Variants in MCTP1 observed in about 807,000 individuals in gnomAD.
MCTP1 encodes multiple C2 and transmembrane domain-containing protein 1.
MCTP1 carries 69 observed loss-of-function variants against 120.6 expected under a neutral mutation model. The ratio of observed to expected loss-of-function variants is 0.57; its 90% CI spans 0.47 to 0.70. MCTP1 has a LOEUF of 0.70. Among genes scored for constraint, MCTP1 ranks in the 30% least tolerant of loss-of-function variants. MCTP1 has a pLI of 0.00. For missense variants in MCTP1, 1,203 were observed against 1,248.8 expected, an observed-to-expected ratio of 0.96 and a Z score of 0.55; for synonymous variants, 529 against 493.1, an observed-to-expected ratio of 1.07 and a Z score of -0.96.
chr5:95,088,472 T>C (rs932672159), intron 1 of MCTP1, among the ~76,000 whole-genome samples: 1 of 152,244 alleles, frequency 6.6e-6, no homozygotes, highest in South Asian at 2.1e-4. Flanking sequence ...GTGCTTGCCA[T>C]AGACCATCCC....
chr5:94,867,093 C>T (rs1336651278), intron 17 of MCTP1: 1 of 583,394 alleles, frequency 1.7e-6, no homozygotes, highest in Non-Finnish European at 2.6e-6. Context: ...CATTTTTTCT[C>T]ATCAATGTAA....
intron 1 of MCTP1, among the ~76,000 whole-genome samples, chr5:95,056,677 T>G (rs1445142065): frequency 6.6e-6 from 1 of 152,206 alleles, no homozygotes. Flanking sequence ...GTTTGTGGAA[T>G]AGCGGACTCA....
chr5:95,020,411 A>G lies in MCTP1; in HGVS notation c.721-2927T>C, dbSNP rs184176843. 3.4e-3 allele frequency among the ~76,000 whole-genome samples: 516 copies of G among 152,164 alleles called. 2 individuals carry two copies. The Middle Eastern group carries it at 0.058, about 17-fold the overall frequency. On this transcript the variant is annotated intron_variant, in intron 1 of 22. Coordinates refer to ENST00000515393, the MANE Select transcript of MCTP1 (RefSeq NM_024717.7). ...CTCCGGACTTATATTTATTTGCTGT[A>G]GTCATTTCCTCTTCTACAAACTTCT...
chr5:95,240,910 CCT>C (rs953772632), intron 1 of MCTP1, among the ~76,000 whole-genome samples: 7 of 150,100 alleles, frequency 4.7e-5, no homozygotes, highest in Admixed American at 4.0e-4. Flanking sequence ...TCTCTCTCTC[CCT>C]CTCTCTCTCC....
At chr5:94,840,877 CTG>C (rs1160544938) in intron 17 of MCTP1, among the ~76,000 whole-genome samples, 1 of 152,116 alleles carries the variant, frequency 6.6e-6, no homozygotes, top group African/African-American at 2.4e-5. Flanking sequence ...ACTAAGCAAG[CTG>C]TTTTTGCTGA....
chr5:94,909,133 ATG>A lies in MCTP1; in HGVS notation c.1652+116_1652+117del, dbSNP rs1377126022. On this transcript the variant is annotated intron_variant, in intron 10 of 22. Transcript: ENST00000515393. The stretch of plus-strand genomic sequence containing the variant: ...CAGTTCATCCAAGCATTGCCTTACC[ATG>A]GTAAAGTCCCTTTCTTCAAAACAGT... 1.1e-5 allele frequency: 13 copies of A among 1,232,628 alleles called. No individual in the cohort carries two copies. In the East Asian group the frequency reaches 3.3e-4, roughly 31 times the overall value. 76.4% of individuals were successfully genotyped at this position (1,232,628 alleles called of 1,614,324 possible). A position where few individuals can be genotyped will look rare whatever the true frequency, so the allele number is the denominator to read the frequency against.
At chr5:95,173,331 T>C (rs577960657) in intron 1 of MCTP1, among the ~76,000 whole-genome samples, 69 of 152,114 alleles carry the variant, frequency 4.5e-4, no homozygotes, top group Non-Finnish European at 9.1e-4. Flanking sequence ...GGAATGCATA[T>C]GGCAAGTGGA....
At chr5:94,917,065 T>C (rs1490981135) in intron 8 of MCTP1, among the ~76,000 whole-genome samples, 1 of 152,238 alleles carries the variant, frequency 6.6e-6, no homozygotes, top group African/African-American at 2.4e-5. Flanking sequence ...AAAAGAGAAG[T>C]AGGACCCTAC....
intron 17 of MCTP1, among the ~76,000 whole-genome samples, chr5:94,820,058 T>G (rs1785310460): frequency 6.6e-6 from 1 of 152,212 alleles, no homozygotes; most frequent in South Asian, 2.1e-4. Context: ...GGCAACTTCT[T>G]TTTAACTTGT....
chr5:94,874,009 T>G (rs556331653), intron 12 of MCTP1, among the ~76,000 whole-genome samples: 3 of 152,048 alleles, frequency 2.0e-5, no homozygotes, highest in Non-Finnish European at 4.4e-5. Context: ...ATTTTTGTAA[T>G]GTTATGCCCT....
At chr5:94,726,722 T>A (rs886634509) in intron 19 of MCTP1, among the ~76,000 whole-genome samples, 1 of 152,166 alleles carries the variant, frequency 6.6e-6, no homozygotes, top group African/African-American at 2.4e-5. Flanking sequence ...ATCAGGAAAG[T>A]GAGGCTTGGA....
intron 1 of MCTP1, among the ~76,000 whole-genome samples, chr5:95,215,174 C>G (rs1752900345): frequency 6.6e-6 from 1 of 152,200 alleles, no homozygotes; most frequent in South Asian, 2.1e-4. Flanking sequence ...CTACCTTCCT[C>G]TCTTCTCCAA....
intron 19 of MCTP1, among the ~76,000 whole-genome samples, chr5:94,715,143 G>A (rs1057135105): frequency 6.6e-6 from 1 of 151,902 alleles, no homozygotes; most frequent in Non-Finnish European, 1.5e-5. Flanking sequence ...TTGCCCTGAT[G>A]AGCAGAAGAA....
At chr5:94,944,937 T>G (rs1013029129) in intron 3 of MCTP1, among the ~76,000 whole-genome samples, 6 of 152,192 alleles carry the variant, frequency 3.9e-5, no homozygotes, top group African/African-American at 1.4e-4. Flanking sequence ...TTATTAATGT[T>G]TATTCAATAT....
chr5:94,804,025 G>A lies in MCTP1; in HGVS notation c.2437-4893C>T, dbSNP rs1435922469. Among the ~76,000 whole-genome samples the A allele has an allele frequency of 1.5e-4, 23 of 152,180 alleles. 1 individual carries two copies. Among genetic ancestry groups the A allele is most frequent in the Admixed American group, 1.3e-3 (20 of 15,282 alleles). ...GCATCCAAAGCAAAGCCACCTGACA[G>A]ACCAAGAAGCCAACCAAAGATGCAA... On this transcript the variant is annotated intron_variant, in intron 17 of 22. Coordinates refer to ENST00000515393, the MANE Select transcript of MCTP1 (RefSeq NM_024717.7).
rs780785059 is a variant in MCTP1 at position 94,706,191 on chromosome 5, A to G, written c.*1305T>C. 3 of 151,648 alleles carry G rather than the reference A, an allele frequency of 2.0e-5. No homozygotes were observed. Among genetic ancestry groups the G allele is most frequent in the Non-Finnish European group, 4.4e-5 (3 of 67,740 alleles). The allele number at this position is 151,648 out of a possible 1,614,324, so 9.4% of individuals were successfully genotyped here. On this transcript the variant is annotated 3_prime_UTR_variant, in exon 23 of 23. Transcript: ENST00000515393. ...GTAGTGCAAAGCATTGTCTGCTGCA[A>G]TTTCAACTGAGTGTAGTCCCCTACC...
At chr5:95,245,589 C>A (rs1756669821) in intron 1 of MCTP1, among the ~76,000 whole-genome samples, 1 of 145,170 alleles carries the variant, frequency 6.9e-6, no homozygotes, top group Non-Finnish European at 1.5e-5. Flanking sequence ...GACTGAAGAT[C>A]AAATTAATGA....
At chr5:95,167,081 G>A (rs1041873787) in intron 1 of MCTP1, among the ~76,000 whole-genome samples, 9 of 151,990 alleles carry the variant, frequency 5.9e-5, no homozygotes, top group Non-Finnish European at 1.2e-4. Context: ...TGCACCCTAT[G>A]ACAGGCCCCA....
intron 1 of MCTP1, among the ~76,000 whole-genome samples, chr5:95,063,622 G>A (rs979076164): frequency 6.6e-6 from 1 of 152,090 alleles, no homozygotes; most frequent in East Asian, 1.9e-4. Flanking sequence ...TTCAGACAGG[G>A]TCTTATTCTA....
Sources: allele counts gnomAD v4.1 joint callset (sites outside exome capture counted in the v4.1 genomes callset), GRCh38; gene constraint gnomAD v4.1.1; transcripts MANE v1.5; gene names NCBI Gene and HGNC (gene_info 2026-07-23, HGNC 2026-07-21).